Variants in MRC2 observed in about 807,000 individuals in gnomAD.
MRC2 encodes mannose receptor C-type 2.
Under a neutral mutation model 206.2 loss-of-function variants are expected in MRC2, and 84 were observed. The observed-to-expected ratio is 0.41, with a 90% CI of 0.34 to 0.49. The LOEUF is 0.49. Ranked by LOEUF, MRC2 falls within the 20% of genes least tolerant of loss-of-function variation. The pLI is 0.31. For missense variants in MRC2, 1,676 were observed against 2,001.5 expected (o/e 0.84, Z 3.10); for synonymous variants, 798 against 800.0 (o/e 1.00, Z 0.04).
intron 6 of MRC2, among the ~76,000 whole-genome samples, chr17:62,668,794 G>A (rs754668086): frequency 2.6e-5 from 4 of 152,102 alleles, no homozygotes; most frequent in South Asian, 2.1e-4. Context: ...TAGGGGCCTC[G>A]TGGAGGAGTT....
chr17:62,654,284 G>A (rs913110975), intron 1 of MRC2, among the ~76,000 whole-genome samples: 1 of 152,074 alleles, frequency 6.6e-6, no homozygotes, highest in African/African-American at 2.4e-5. Flanking sequence ...TAAGCCAGGT[G>A]GTCGCTGGGC....
At chr17:62,684,938 T>C (rs1598996198) in intron 20 of MRC2, among the ~76,000 whole-genome samples, 1 of 152,216 alleles carries the variant, frequency 6.6e-6, no homozygotes, top group East Asian at 1.9e-4. Context: ...ATCAGGAGTT[T>C]GAGACCAACC....
chr17:62,689,733 G>A lies in MRC2; in HGVS notation c.3546G>A (p.Pro1182=), dbSNP rs764484378. Residue 1182 remains proline (P), a synonymous_variant, in exon 24 of 30, where the codon CCG becomes CCA. Transcript: ENST00000303375. The part of the protein sequence containing the change: ...LTQAARGLRT[P]LWIGLAGEEG... ...AGGCTGCCCGAGGGCTGCGCACGCC[G>A]CTCTGGATTGGGCTGGCTGGCGAGG... 121 of 1,559,432 alleles carry A rather than the reference G, an allele frequency of 7.8e-5. No homozygotes were observed. Among genetic ancestry groups the A allele is most frequent in the Non-Finnish European group, 9.9e-5 (114 of 1,153,524 alleles).
rs993517540 is a variant in MRC2, at chr17:62,676,858, T to A, written c.1834+327T>A. Among the ~76,000 whole-genome samples the A allele has an allele frequency of 3.9e-5, 6 of 152,268 alleles. No individual in the cohort carries two copies. In the East Asian group the frequency reaches 9.6e-4, roughly 24 times the overall value. ...AATGTGTGTAAAGTGTCTAGATTAC[T>A]TCTCTATCTGGGCTCACAAAAAAGA... On this transcript the variant is annotated intron_variant, in intron 11 of 29. Transcript: ENST00000303375.
At position 62,690,653 on chromosome 17, in the gene MRC2, GTCCTGTCTA is replaced by G; in HGVS notation, c.3910_3918del (p.Ser1304_Leu1306del). ...TTCTTTGCATCCAGCGGGTGGGGCCGTCCTGTCTATCCTGGATGAGATGGAGAATGTGTT... is the reference window on the plus strand; with the variant it reads ...TTCTTTGCATCCAGCGGGTGGGGCCGTCCTGGATGAGATGGAGAATGTGTT... On this transcript the variant is annotated inframe_deletion, in exon 27 of 30. Coordinates refer to ENST00000303375, the MANE Select transcript of MRC2 (RefSeq NM_006039.5). 1 of 1,608,788 alleles carries G rather than the reference GTCCTGTCTA, an allele frequency of 6.2e-7. No individual in the cohort carries two copies. Among genetic ancestry groups the G allele is most frequent in the Non-Finnish European group, 8.5e-7 (1 of 1,177,486 alleles).
rs767470792 is a variant in MRC2 at position 62,688,828 on chromosome 17, C to T, written c.3226-24C>T. On this transcript the variant is annotated intron_variant, in intron 22 of 29. Coordinates refer to ENST00000303375, the MANE Select transcript of MRC2 (RefSeq NM_006039.5). ...CACAGGGAGGCAGCTGCTGGGGCTCCCCTGAGCAGCTCCCTCCCCCCAGAC... is the reference window on the plus strand; with the variant it reads ...CACAGGGAGGCAGCTGCTGGGGCTCTCCTGAGCAGCTCCCTCCCCCCAGAC... 8.8e-6 allele frequency: 14 copies of T among 1,588,190 alleles called. No individual in the cohort carries two copies. In the South Asian group the frequency reaches 1.3e-4, roughly 15 times the overall value.
Position 62,689,705 on chromosome 17 carries a change from C to A in MRC2, c.3518C>A (p.Thr1173Lys). The change falls in exon 24 of 30, where the codon ACG (threonine) becomes AAG (lysine). Residue 1173 changes from threonine to lysine, a missense_variant. Physicochemically the swap from Thr to Lys is moderately conservative, Grantham distance 78. Around this residue, in one of 3 missense-constraint regions of MRC2, gnomAD observed 1,354 missense variants for 1,636.6 expected, o/e 0.83. Transcript: ENST00000303375. ...GACCCCTACACCCAGGCCTTCCTCA[C>A]GCAGGCTGCCCGAGGGCTGCGCACG... Reference protein sequence around the residue: ...VPDPYTQAFLTQAARGLRTPL... With the variant: ...VPDPYTQAFLKQAARGLRTPL... The A allele has an allele frequency of 6.4e-7, 1 of 1,573,992 alleles. No individual in the cohort carries two copies. The highest frequency in any genetic ancestry group is 1.2e-5 in the South Asian group (1 of 86,364).
At chr17:62,677,724 G>A (rs1013341070) in intron 12 of MRC2, among the ~76,000 whole-genome samples, 6 of 152,212 alleles carry the variant, frequency 3.9e-5, no homozygotes, top group Non-Finnish European at 5.9e-5. Context: ...GGCCAGCCTA[G>A]CTGTTCTTCA....
At chr17:62,677,036 G>T (rs1361420197) in intron 11 of MRC2, among the ~76,000 whole-genome samples, 3 of 152,244 alleles carry the variant, frequency 2.0e-5, no homozygotes, top group Non-Finnish European at 1.5e-5. Flanking sequence ...GATGAAGCAG[G>T]CTCGGTGAGG....
chr17:62,629,457 C>T (rs1260683497), intron 1 of MRC2, among the ~76,000 whole-genome samples: 1 of 152,200 alleles, frequency 6.6e-6, no homozygotes, highest in East Asian at 1.9e-4. Context: ...CTGGCCCTCC[C>T]TGGGGCTGTG....
In MRC2 at chr17:62,633,840, C is replaced by CAAAAAAA. The variant is rs571793821; in HGVS notation, c.118+5956_118+5962dup. ...TGAGTGACAGAGTGAGACCCTGTCT[C>CAAAAAAA]AAAAAAAAAAAAAAAAAAAAAAAAA... On this transcript the variant is annotated intron_variant, in intron 1 of 29. Transcript: ENST00000303375. 6.2e-4 allele frequency among the ~76,000 whole-genome samples: 21 copies of CAAAAAAA among 33,918 alleles called. 1 individual carries two copies. Among genetic ancestry groups the CAAAAAAA allele is most frequent in the Admixed American group, 1.3e-3 (2 of 1,558 alleles). 22.3% of individuals were successfully genotyped at this position (33,918 alleles called of 152,430 possible). A position where few individuals can be genotyped will look rare whatever the true frequency, so the allele number is the denominator to read the frequency against.
At chr17:62,634,771 C>T (rs1193404222) in intron 1 of MRC2, among the ~76,000 whole-genome samples, 2 of 151,888 alleles carry the variant, frequency 1.3e-5, no homozygotes, top group African/African-American at 4.8e-5. Context: ...TTCCCAGCCT[C>T]GTTTTACCCA....
intron 28 of MRC2, among the ~76,000 whole-genome samples, chr17:62,691,351 A>G (rs1312482978): frequency 2.0e-5 from 3 of 152,136 alleles, no homozygotes; most frequent in Non-Finnish European, 2.9e-5. Flanking sequence ...GGGGTCAGCA[A>G]CCCCCTGTCA....
chr17:62,632,344 G>A (rs931297693), intron 1 of MRC2, among the ~76,000 whole-genome samples: 2 of 151,866 alleles, frequency 1.3e-5, no homozygotes, highest in South Asian at 4.2e-4. Flanking sequence ...CTCTCCTTCC[G>A]CCGCTGGGCA....
chr17:62,630,032 C>G (rs541904022), intron 1 of MRC2, among the ~76,000 whole-genome samples: 1 of 152,292 alleles, frequency 6.6e-6, no homozygotes, highest in East Asian at 1.9e-4. Flanking sequence ...GAGACTGTCA[C>G]TGGAAGGAGT....
rs901649602 is a variant in MRC2, at chr17:62,675,759, G to A, written c.1570-31G>A. ...AGGGTGGAGAGTCATCTTCCCTACA[G>A]ACACCCCTCTTCTGTCCACTCTTGA... On this transcript the variant is annotated intron_variant, in intron 9 of 29. Transcript: ENST00000303375. This position sits in a 1 kb window ranked among gnomAD's most constrained non-coding sequence, Gnocchi z 4.1. 4 of 1,555,880 alleles carry A rather than the reference G, an allele frequency of 2.6e-6. No individual in the cohort carries two copies. The highest frequency in any genetic ancestry group is 3.5e-6 in the Non-Finnish European group (4 of 1,127,406).
intron 1 of MRC2, among the ~76,000 whole-genome samples, chr17:62,638,307 G>A (rs1243493839): frequency 1.3e-5 from 2 of 151,882 alleles, no homozygotes; most frequent in Admixed American, 1.3e-4. Flanking sequence ...ACATCATATG[G>A]TTTTAAATTA....
chr17:62,667,395 C>A lies in MRC2; in HGVS notation c.979C>A (p.Pro327Thr), dbSNP rs1211721625. Residue 327 changes from proline to threonine, a missense_variant, in exon 6 of 30, where the codon CCG becomes ACG. By Grantham distance (38) the Pro-to-Thr change is conservative. This residue lies in a region of MRC2 where 1,354 missense variants were observed against 1,636.6 expected (regional missense o/e 0.83). Coordinates refer to ENST00000303375, the MANE Select transcript of MRC2 (RefSeq NM_006039.5). This position sits in a 1 kb window ranked among gnomAD's most constrained non-coding sequence, Gnocchi z 4.1. ...GCGCCCTGCCCTCCCCACAGACCAGCCGGACAACCCCAGTGAGGAGAACTG... is the reference window on the plus strand; with the variant it reads ...GCGCCCTGCCCTCCCCACAGACCAGACGGACAACCCCAGTGAGGAGAACTG... ...LKYLNWESDQ[P>T]DNPSEENCGV... 1 of 1,596,448 alleles carries A rather than the reference C, an allele frequency of 6.3e-7. No individual in the cohort carries two copies.
chr17:62,628,829 G>T (rs1307054054), intron 1 of MRC2, among the ~76,000 whole-genome samples: 1 of 151,992 alleles, frequency 6.6e-6, no homozygotes, highest in Non-Finnish European at 1.5e-5. Flanking sequence ...GGGGGTGGGG[G>T]TGTCTGGAGT....
Sources: gnomAD v4.1 joint callset for allele counts (sites outside exome capture counted in the v4.1 genomes callset) on GRCh38, gnomAD v4.1.1 for gene constraint, gnomAD v4.1.1 regional missense constraint, Gnocchi (gnomAD v3.1) non-coding constraint, MANE v1.5 for transcripts, NCBI Gene and HGNC (gene_info 2026-07-23, HGNC 2026-07-21) for gene names.